Variants in GNA14 observed in about 807,000 individuals in gnomAD.
GNA14 encodes the protein G protein subunit alpha 14, also known as guanine nucleotide-binding protein subunit alpha-14.
Under a neutral mutation model 42.0 loss-of-function variants are expected in GNA14, and 50 were observed. The ratio of observed to expected loss-of-function variants is 1.19; its 90% CI spans 0.95 to 1.51. The LOEUF is 1.51. Among genes scored for constraint, GNA14 ranks in the 40% most tolerant of loss-of-function variants. The probability of loss-of-function intolerance (pLI) is 0.00; values close to 1 mark genes in which losing one functional copy is unlikely to be tolerated. For missense variants in GNA14, 473 were observed against 446.2 expected, an observed-to-expected ratio of 1.06 and a Z score of -0.54; for synonymous variants, 173 against 163.1, an observed-to-expected ratio of 1.06 and a Z score of -0.46.
intron 1 of GNA14, among the ~76,000 whole-genome samples, chr9:77,608,966 G>A (rs1280097826): frequency 2.0e-5 from 3 of 151,982 alleles, no homozygotes; most frequent in Non-Finnish European, 2.9e-5. Flanking sequence ...TTATCAAATA[G>A]TGTTCAGCCA....
In GNA14 at chr9:77,424,118, T is replaced by C. The variant is rs1835416702; in HGVS notation, c.929A>G (p.Gln310Arg). ...AARDFILKLYQDQNPDKEKVI... is the reference protein window; with the variant it reads ...AARDFILKLYRDQNPDKEKVI... ...TTTCTCTTTGTCAGGATTCTGATCT[T>C]GGTAAAGCTTCAGGATAAAGTCTCT... Residue 310 changes from glutamine to arginine, a missense_variant, in exon 7 of 7, where the codon CAA (glutamine) becomes CGA (arginine). Physicochemically the swap from Gln to Arg is conservative, Grantham distance 43. Coordinates refer to ENST00000341700, the MANE Select transcript of GNA14 (RefSeq NM_004297.4). The C allele has an allele frequency of 6.2e-7, 1 of 1,613,142 alleles. No homozygotes were observed. The highest frequency in any genetic ancestry group is 8.5e-7 in the Non-Finnish European group (1 of 1,179,424).
At chr9:77,435,456 T>C (rs1207033853) in intron 2 of GNA14, among the ~76,000 whole-genome samples, 1 of 152,114 alleles carries the variant, frequency 6.6e-6, no homozygotes, top group Non-Finnish European at 1.5e-5. Flanking sequence ...TCTCACACAG[T>C]CTGCTTTTCA....
intron 1 of GNA14, among the ~76,000 whole-genome samples, chr9:77,530,408 A>T (rs11791271): frequency 6.6e-6 from 1 of 152,096 alleles, no homozygotes; most frequent in Admixed American, 6.6e-5. Context: ...GAAGCCGAGC[A>T]GATGTCAGCA....
At chr9:77,618,600 ATATATATATATATATATATAT>A (rs1210140311) in intron 1 of GNA14, among the ~76,000 whole-genome samples, 2 of 13,418 alleles carry the variant, frequency 1.5e-4, no homozygotes, top group Non-Finnish European at 1.9e-4. Context: ...ATATATATAT[ATATATATATATATATATATAT>A]TTTTTTTTTT....
At chr9:77,625,526 C>T (rs1254887210) in intron 1 of GNA14, among the ~76,000 whole-genome samples, 1 of 152,216 alleles carries the variant, frequency 6.6e-6, no homozygotes, top group Non-Finnish European at 1.5e-5. Context: ...ATCAGACTAA[C>T]AGCTGATCTT....
At chr9:77,435,993 T>G (rs1835634490) in intron 2 of GNA14, among the ~76,000 whole-genome samples, 1 of 152,198 alleles carries the variant, frequency 6.6e-6, no homozygotes, top group African/African-American at 2.4e-5. Context: ...AGCTGGGATC[T>G]CAAGTGTAGA....
At chr9:77,500,988 C>T (rs555522643) in intron 2 of GNA14, among the ~76,000 whole-genome samples, 1 of 152,026 alleles carries the variant, frequency 6.6e-6, no homozygotes, top group East Asian at 1.9e-4. Flanking sequence ...CAGAATCTCG[C>T]TCTGTCACCA....
chr9:77,448,389 A>G (rs1325668983), intron 2 of GNA14, among the ~76,000 whole-genome samples: 1 of 152,194 alleles, frequency 6.6e-6, no homozygotes, highest in African/African-American at 2.4e-5. Context: ...GTGTTCGATA[A>G]ATTACATGAG....
rs1049948434 is a variant in GNA14, at chr9:77,535,157, G to C, written c.125-5904C>G. On this transcript the variant is annotated intron_variant, in intron 1 of 6. Transcript: ENST00000341700. ...TGGGGGCACTCTGCTTGGCCCCAGA[G>C]AACTCATGGCTGACCTTGGGCAGTA... is the stretch of plus-strand genomic sequence containing the variant. 1.4e-4 allele frequency among the ~76,000 whole-genome samples: 21 copies of C among 152,242 alleles called. 1 individual carries two copies. The highest frequency in any genetic ancestry group is 1.9e-4 in the East Asian group (1 of 5,190).
At chr9:77,614,570 C>A (rs1170301498) in intron 1 of GNA14, among the ~76,000 whole-genome samples, 2 of 152,162 alleles carry the variant, frequency 1.3e-5, no homozygotes, top group East Asian at 1.9e-4. Flanking sequence ...GAGATGGATT[C>A]TTCGTTTTCA....
At chr9:77,630,254 A>T (rs1248751118) in intron 1 of GNA14, among the ~76,000 whole-genome samples, 2 of 151,924 alleles carry the variant, frequency 1.3e-5, no homozygotes, top group Admixed American at 6.6e-5. Context: ...AGTAGCTGGG[A>T]CTACAAATGT....
Position 77,440,625 on chromosome 9 carries a change from T to G in GNA14, c.310-6103A>C, listed in dbSNP as rs919461694. On this transcript the variant is annotated intron_variant, in intron 2 of 6. Transcript: ENST00000341700. ...ATATATGTATACATTGTAGAGTGGC[T>G]AAATCAAGCTGTTTAACATTTGTAT... Among the ~76,000 whole-genome samples the G allele has an allele frequency of 3.3e-5, 5 of 152,400 alleles. 1 individual carries two copies. The highest frequency in any genetic ancestry group is 6.8e-3 in the Middle Eastern group (2 of 294).
chr9:77,600,968 A>G (rs1240832855), intron 1 of GNA14, among the ~76,000 whole-genome samples: 1 of 152,178 alleles, frequency 6.6e-6, no homozygotes, highest in East Asian at 1.9e-4. Context: ...AAAATGATAG[A>G]CACAGGAGGC....
chr9:77,586,948 T>A (rs1203808858), intron 1 of GNA14, among the ~76,000 whole-genome samples: 2 of 151,282 alleles, frequency 1.3e-5, no homozygotes, highest in Non-Finnish European at 2.9e-5. Context: ...TGCTTACCTA[T>A]ATGTCTGCAG....
intron 2 of GNA14, among the ~76,000 whole-genome samples, chr9:77,506,319 T>C (rs1837068270): frequency 6.6e-6 from 1 of 151,510 alleles, no homozygotes; most frequent in Admixed American, 6.6e-5. Flanking sequence ...AAACTAATTT[T>C]AATAAAATAT....
At position 77,435,528 on chromosome 9, in the gene GNA14, T is replaced by A. The variant is rs575885296; in HGVS notation, c.310-1006A>T. On this transcript the variant is annotated intron_variant, in intron 2 of 6. Coordinates refer to ENST00000341700, the MANE Select transcript of GNA14 (RefSeq NM_004297.4). ...GAGCCTCCCTCCCAATGCACTACTC[T>A]CCCCACACCACTGATTATTATATTA... Among the ~76,000 whole-genome samples the A allele has an allele frequency of 3.3e-5, 5 of 152,138 alleles. No individual in the cohort carries two copies. In the East Asian group the frequency reaches 9.6e-4, roughly 29 times the overall value.
intron 1 of GNA14, among the ~76,000 whole-genome samples, chr9:77,562,174 A>G (rs1220079551): frequency 6.6e-6 from 1 of 152,230 alleles, no homozygotes; most frequent in Non-Finnish European, 1.5e-5. Flanking sequence ...CATGGAAATT[A>G]TATGAGTCAG....
At chr9:77,465,919 T>C (rs150265556) in intron 2 of GNA14, among the ~76,000 whole-genome samples, 84 of 152,344 alleles carry the variant, frequency 5.5e-4, no homozygotes, top group Middle Eastern at 3.4e-3. Flanking sequence ...ATAAGATTGT[T>C]GATTGACTTT....
chr9:77,557,120 C>A (rs974857635), intron 1 of GNA14, among the ~76,000 whole-genome samples: 2 of 152,140 alleles, frequency 1.3e-5, no homozygotes, highest in Admixed American at 1.3e-4. Context: ...TCTAAGGGTG[C>A]CCCTCCACAG....
Sources: allele counts gnomAD v4.1 joint callset (sites outside exome capture counted in the v4.1 genomes callset), GRCh38; gene constraint gnomAD v4.1.1; transcripts MANE v1.5; gene names NCBI Gene and HGNC (gene_info 2026-07-23, HGNC 2026-07-21).